NLGN1: variants seen among roughly 807,000 people sequenced by gnomAD.
NLGN1 encodes the protein neuroligin 1.
In NLGN1, 12 loss-of-function variants were observed where a neutral mutation model predicts 65.5. The ratio of observed to expected loss-of-function variants is 0.18; its 90% CI spans 0.12 to 0.30. The LOEUF is 0.30. NLGN1 is among the 10% of genes least tolerant of loss of function. The probability of loss-of-function intolerance (pLI) is 1.00; values close to 1 mark genes in which losing one functional copy is unlikely to be tolerated. For synonymous variants in NLGN1, 350 were observed against 359.5 expected (o/e 0.97, Z 0.30); for missense variants, 750 against 1,007.1 (o/e 0.74, Z 3.46).
At chr3:174,129,574 T>G (rs1002561363) in intron 4 of NLGN1, among the ~76,000 whole-genome samples, 1 of 152,180 alleles carries the variant, frequency 6.6e-6, no homozygotes, top group Non-Finnish European at 1.5e-5. Context: ...GGTTGTTAGA[T>G]TTTTTTGAGG....
chr3:173,425,839 T>A (rs1715991724), intron 1 of NLGN1, among the ~76,000 whole-genome samples: 1 of 152,184 alleles, frequency 6.6e-6, no homozygotes, highest in Non-Finnish European at 1.5e-5. Flanking sequence ...CCATGCAAAT[T>A]TTAAGAAATT....
At position 173,753,279 on chromosome 3, in the gene NLGN1, C is replaced by G. The variant is rs565117641; in HGVS notation, c.494-54401C>G. Among the ~76,000 whole-genome samples the G allele has an allele frequency of 6.6e-5, 10 of 152,242 alleles. No individual in the cohort carries two copies. The South Asian group carries it at 1.9e-3, about 28-fold the overall frequency. ...AGATCTGAATATTTCACTATCTATT[C>G]TCCAACTCTACTTGGATATCCAATA... On this transcript the variant is annotated intron_variant, in intron 3 of 6. Coordinates refer to ENST00000457714, the Ensembl canonical transcript of NLGN1.
At chr3:174,184,207 A>C (rs1185732522) in intron 4 of NLGN1, among the ~76,000 whole-genome samples, 6 of 152,160 alleles carry the variant, frequency 3.9e-5, no homozygotes, top group Admixed American at 3.3e-4. Flanking sequence ...ATACTGAAAA[A>C]AATAGACCAT....
chr3:173,422,850 C>T (rs1161803648), intron 1 of NLGN1, among the ~76,000 whole-genome samples: 2 of 152,136 alleles, frequency 1.3e-5, no homozygotes, highest in African/African-American at 4.8e-5. Context: ...GTTATAGATG[C>T]AAGTTATTGA....
At chr3:174,255,782 C>G (rs1463173491) in intron 4 of NLGN1, among the ~76,000 whole-genome samples, 5 of 151,784 alleles carry the variant, frequency 3.3e-5, no homozygotes, top group Non-Finnish European at 4.4e-5. Context: ...TTTCAGCCTC[C>G]TAAGTAGCTG....
chr3:174,039,685 A>G (rs1007393105), intron 4 of NLGN1, among the ~76,000 whole-genome samples: 7 of 152,166 alleles, frequency 4.6e-5, no homozygotes, highest in African/African-American at 1.4e-4. Flanking sequence ...ATACGCCTGA[A>G]AAGTGAAAAT....
intron 4 of NLGN1, among the ~76,000 whole-genome samples, chr3:174,126,915 T>C (rs952610957): frequency 2.0e-5 from 3 of 152,168 alleles, no homozygotes; most frequent in East Asian, 3.8e-4. Context: ...AACTACAAAA[T>C]GTCATGTGCT....
At chr3:173,428,412 T>A (rs1292055362) in intron 1 of NLGN1, among the ~76,000 whole-genome samples, 1 of 151,966 alleles carries the variant, frequency 6.6e-6, no homozygotes. Flanking sequence ...GTATGTTTTA[T>A]TTAATTTCTT....
At chr3:173,487,462 C>T (rs1024418853) in intron 2 of NLGN1, among the ~76,000 whole-genome samples, 2 of 151,790 alleles carry the variant, frequency 1.3e-5, no homozygotes, top group Non-Finnish European at 2.9e-5. Flanking sequence ...GCTAGGGTTT[C>T]GTAATTATCT....
At chr3:174,085,866 T>G (rs1017176190) in intron 4 of NLGN1, among the ~76,000 whole-genome samples, 1 of 152,028 alleles carries the variant, frequency 6.6e-6, no homozygotes, top group Non-Finnish European at 1.5e-5. Context: ...GGTGCAAACA[T>G]AATCGCGGTT....
chr3:173,526,965 A>C (rs112676213), intron 2 of NLGN1, among the ~76,000 whole-genome samples: 6,162 of 152,238 alleles, frequency 0.04, 419 homozygotes, highest in African/African-American at 0.14. Context: ...CATTGTGTAT[A>C]TGTACCACAC....
At chr3:173,922,105 C>G (rs530393546) in intron 4 of NLGN1, among the ~76,000 whole-genome samples, 2 of 152,160 alleles carry the variant, frequency 1.3e-5, no homozygotes, top group East Asian at 3.9e-4. Flanking sequence ...TTTAAGGAAA[C>G]AGCCTCATTG....
chr3:173,804,734 A>G (rs1484838672), intron 3 of NLGN1, among the ~76,000 whole-genome samples: 1 of 151,996 alleles, frequency 6.6e-6, no homozygotes, highest in East Asian at 1.9e-4. Context: ...ACATTATACA[A>G]AGTAAAGCCT....
chr3:174,077,092 G>T (rs1741172236), intron 4 of NLGN1, among the ~76,000 whole-genome samples: 1 of 151,980 alleles, frequency 6.6e-6, no homozygotes, highest in East Asian at 1.9e-4. Context: ...TAGAAAATTT[G>T]CCTTATGTAT....
chr3:174,224,116 C>G (rs890053509), intron 4 of NLGN1, among the ~76,000 whole-genome samples: 1 of 152,156 alleles, frequency 6.6e-6, no homozygotes. Flanking sequence ...TATTTTTCAT[C>G]ACTTTCTGTT....
intron 4 of NLGN1, among the ~76,000 whole-genome samples, chr3:174,211,016 T>A (rs1267607989): frequency 1.3e-5 from 2 of 152,154 alleles, no homozygotes; most frequent in Non-Finnish European, 2.9e-5. Context: ...GTGGCGCGTC[T>A]GGAGTCTGTC....
At chr3:173,659,402 G>A (rs952492195) in intron 3 of NLGN1, among the ~76,000 whole-genome samples, 1 of 151,866 alleles carries the variant, frequency 6.6e-6, no homozygotes, top group Non-Finnish European at 1.5e-5. Context: ...TTGCTGAAGT[G>A]TCCAACTCTT....
At chr3:174,019,285 A>T (rs1727249321) in intron 4 of NLGN1, among the ~76,000 whole-genome samples, 1 of 152,162 alleles carries the variant, frequency 6.6e-6, no homozygotes, top group Non-Finnish European at 1.5e-5. Context: ...GGGGCCTTTA[A>T]GAATAATTAA....
chr3:173,761,901 C>A (rs1778020240), intron 3 of NLGN1, among the ~76,000 whole-genome samples: 1 of 152,148 alleles, frequency 6.6e-6, no homozygotes, highest in Non-Finnish European at 1.5e-5. Flanking sequence ...GTCTGTGAGG[C>A]TTCAGTTACA....
Sources: allele counts gnomAD v4.1 joint callset (sites outside exome capture counted in the v4.1 genomes callset), GRCh38; gene constraint gnomAD v4.1.1; transcripts MANE v1.5; gene names NCBI Gene and HGNC (gene_info 2026-07-23, HGNC 2026-07-21).